MYO10: variants seen among roughly 807,000 people sequenced by gnomAD.
MYO10 encodes the protein myosin X.
Under a neutral mutation model 257.3 loss-of-function variants are expected in MYO10, and 133 were observed. The observed-to-expected ratio is 0.52, with a 90% CI of 0.45 to 0.60. The LOEUF (loss-of-function observed/expected upper bound fraction) is 0.60. Among genes scored for constraint, MYO10 ranks in the 20% least tolerant of loss-of-function variants. MYO10 has a pLI of 0.00. For missense variants in MYO10, 2,399 were observed against 2,635.7 expected, an observed-to-expected ratio of 0.91 and a Z score of 1.97; for synonymous variants, 1,104 against 1,028.6, an observed-to-expected ratio of 1.07 and a Z score of -1.40.
intron 26 of MYO10, among the ~76,000 whole-genome samples, chr5:16,695,802 C>T (rs552219841): frequency 6.6e-6 from 1 of 152,116 alleles, no homozygotes; most frequent in Non-Finnish European, 1.5e-5. Context: ...TCCTTTTATG[C>T]GTTCACTGTG....
At position 16,676,699 on chromosome 5, in the gene MYO10, G is replaced by C. The variant is rs551021398; in HGVS notation, c.4543-545C>G. Among the ~76,000 whole-genome samples the C allele has an allele frequency of 9.9e-5, 15 of 152,284 alleles. No individual in the cohort carries two copies. In the South Asian group the frequency reaches 2.7e-3, roughly 27 times the overall value. ...CCACGGCACTCCAGCCTGGCTGACA[G>C]AGCGAGACTCCGTCTCAAAAAAAAA... On this transcript the variant is annotated intron_variant, in intron 33 of 40. Coordinates refer to ENST00000513610, the MANE Select transcript of MYO10 (RefSeq NM_012334.3).
intron 29 of MYO10, among the ~76,000 whole-genome samples, chr5:16,684,583 G>T (rs1737158067): frequency 6.6e-6 from 1 of 152,182 alleles, no homozygotes; most frequent in African/African-American, 2.4e-5. Context: ...CAGTGTTTAT[G>T]ACCTTCTTTC....
At chr5:16,897,890 C>T (rs1173639052) in intron 1 of MYO10, among the ~76,000 whole-genome samples, 3 of 152,236 alleles carry the variant, frequency 2.0e-5, no homozygotes, top group East Asian at 1.9e-4. Flanking sequence ...GAACCATTCT[C>T]GCCAACCAAC....
Position 16,663,027 on chromosome 5 carries a change from G to GT in MYO10, c.*3664dup, listed in dbSNP as rs1266740158. On this transcript the variant is annotated 3_prime_UTR_variant, in exon 41 of 41. Transcript: ENST00000513610. ...GGACTAATACAGATGGCCTTATCCT[G>GT]TTTTTCCACAGAGCTATCTGAGGTA... The GT allele has an allele frequency of 6.6e-6, 1 of 152,094 alleles. No individual in the cohort carries two copies. Among genetic ancestry groups the GT allele is most frequent in the Non-Finnish European group, 1.5e-5 (1 of 68,028 alleles). The allele number at this position is 152,094 out of a possible 1,614,324, so 9.4% of individuals were successfully genotyped here. A position where few individuals can be genotyped will look rare whatever the true frequency, so the allele number is the denominator to read the frequency against.
At chr5:16,726,281 A>G (rs1739364804) in intron 19 of MYO10, among the ~76,000 whole-genome samples, 2 of 152,136 alleles carry the variant, frequency 1.3e-5, no homozygotes, top group South Asian at 2.1e-4. Context: ...ATGGATCTCT[A>G]TGGTGGTGGT....
At chr5:16,878,858 A>G (rs1274053896) in intron 1 of MYO10, among the ~76,000 whole-genome samples, 16 of 152,108 alleles carry the variant, frequency 1.1e-4, no homozygotes, top group Admixed American at 1.0e-3. Context: ...GCGAAGGATA[A>G]AAGACTACAC....
In MYO10 at chr5:16,701,912, A is replaced by C. The variant is rs1025182559; in HGVS notation, c.2557-74T>G. 5 of 1,489,198 alleles carry C rather than the reference A, an allele frequency of 3.4e-6. No homozygotes were observed. In the Admixed American group the frequency reaches 9.4e-5, roughly 28 times the overall value. The allele number at this position is 1,489,198 out of a possible 1,614,324, so 92.2% of individuals were successfully genotyped here. A position where few individuals can be genotyped will look rare whatever the true frequency, so the allele number is the denominator to read the frequency against. On this transcript the variant is annotated intron_variant, in intron 24 of 40. Coordinates refer to ENST00000513610, the MANE Select transcript of MYO10 (RefSeq NM_012334.3). The surrounding 1 kb of genome is among the most constrained non-coding windows in gnomAD (Gnocchi z 8.1). ...CAAGCATAGCTCCCGCTTTGCAACC[A>C]GGATGAAATATGGTCATTATGAGTT...
intron 19 of MYO10, among the ~76,000 whole-genome samples, chr5:16,726,338 C>T (rs896721580): frequency 3.3e-5 from 5 of 152,138 alleles, no homozygotes; most frequent in African/African-American, 1.2e-4. Flanking sequence ...AGTAACAGTA[C>T]AAGTAGTACT....
intron 19 of MYO10, among the ~76,000 whole-genome samples, 195 bp downstream of exon 19, chr5:16,754,633 A>G (rs1254465078): frequency 6.6e-6 from 1 of 152,170 alleles, no homozygotes; most frequent in Non-Finnish European, 1.5e-5. Flanking sequence ...GCTTAATAAC[A>G]TCACTCAAAA....
rs190872298 is a variant in MYO10, at chr5:16,772,444, T to C, written c.931-3241A>G. 7.3e-4 allele frequency among the ~76,000 whole-genome samples: 111 copies of C among 152,356 alleles called. 2 individuals are homozygous for C. The highest frequency in any genetic ancestry group is 6.5e-3 in the Admixed American group (100 of 15,310). The stretch of plus-strand genomic sequence containing the variant: ...CACGGCGCCCAGCCTATGGTATACT[T>C]TTTAAAGAAAATTATGCACATGATA... On this transcript the variant is annotated intron_variant, in intron 9 of 40. Coordinates refer to ENST00000513610, the MANE Select transcript of MYO10 (RefSeq NM_012334.3).
chr5:16,853,794 C>A (rs1221039189), intron 2 of MYO10, among the ~76,000 whole-genome samples: 2 of 152,196 alleles, frequency 1.3e-5, no homozygotes, highest in Admixed American at 6.5e-5. Context: ...CGGGTCCACA[C>A]TGTCTACGTA....
intron 2 of MYO10, among the ~76,000 whole-genome samples, chr5:16,823,194 C>T (rs1400193699): frequency 6.7e-6 from 1 of 150,264 alleles, no homozygotes; most frequent in East Asian, 2.1e-4. Flanking sequence ...GTAATCCCAG[C>T]ACTTTGGGAG....
At chr5:16,894,954 T>G (rs1745176925) in intron 1 of MYO10, among the ~76,000 whole-genome samples, 1 of 151,312 alleles carries the variant, frequency 6.6e-6, no homozygotes, top group Admixed American at 6.6e-5. Flanking sequence ...TCACCCTCCA[T>G]AAACTATTAA....
chr5:16,794,939 T>G, intron 3 of MYO10, 106 bp from the exon 4 acceptor site: 1 of 880,528 alleles, frequency 1.1e-6, no homozygotes, highest in Non-Finnish European at 1.6e-6. Flanking sequence ...ACGTCTTCTG[T>G]CTCCCGGGTG....
intron 2 of MYO10, among the ~76,000 whole-genome samples, chr5:16,830,679 G>GCACACACACACACACTCACA (rs1554000808): frequency 3.4e-5 from 5 of 148,916 alleles, no homozygotes; most frequent in South Asian, 2.1e-4. Context: ...TTTTTAATAG[G>GCACACACACACACACTCACA]CACACACACA....
intron 1 of MYO10, among the ~76,000 whole-genome samples, chr5:16,886,566 T>A (rs1056650372): frequency 6.6e-6 from 1 of 152,212 alleles, no homozygotes; most frequent in African/African-American, 2.4e-5. Context: ...TTTCAGCTAT[T>A]TATAGCTTTC....
At chr5:16,870,680 G>C (rs973043080) in intron 2 of MYO10, among the ~76,000 whole-genome samples, 1 of 151,966 alleles carries the variant, frequency 6.6e-6, no homozygotes, top group Non-Finnish European at 1.5e-5. Context: ...ATCATCTGAG[G>C]TTGGGAGTTG....
At chr5:16,671,336 G>A in intron 38 of MYO10, 86 bp downstream of exon 38, 2 of 1,485,876 alleles carry the variant, frequency 1.3e-6, no homozygotes, top group South Asian at 2.6e-5. Flanking sequence ...TCATTTCTAA[G>A]TACCAGTTAA....
In MYO10 at chr5:16,663,325, G is replaced by GTTT. The variant is rs1561158360; in HGVS notation, c.*3366_*3367insAAA. Reference sequence around the variant, plus strand: ...GGAAAAAAGTAACATTTTACTTCTAGTTGTTTTTTTTTTTTTTTTTTTTTT... The same window carrying GTTT: ...GGAAAAAAGTAACATTTTACTTCTAGTTTTTGTTTTTTTTTTTTTTTTTTTTTT... On this transcript the variant is annotated 3_prime_UTR_variant, in exon 41 of 41. Transcript: ENST00000513610. 4.6e-4 allele frequency: 19 copies of GTTT among 41,320 alleles called. 1 individual carries two copies. The highest frequency in any genetic ancestry group is 5.5e-4 in the Non-Finnish European group (13 of 23,536). 2.6% of individuals were successfully genotyped at this position (41,320 alleles called of 1,614,324 possible).
Sources: allele counts gnomAD v4.1 joint callset (sites outside exome capture counted in the v4.1 genomes callset), GRCh38; gene constraint gnomAD v4.1.1; non-coding constraint Gnocchi (gnomAD v3.1); transcripts MANE v1.5; gene names NCBI Gene and HGNC (gene_info 2026-07-23, HGNC 2026-07-21).